Variants in CYP3A43 observed in about 807,000 individuals in gnomAD.
CYP3A43 encodes cytochrome P450 3A43.
In CYP3A43, 45 loss-of-function variants were observed where a neutral mutation model predicts 58.0. That is an observed-to-expected ratio of 0.78 (90% CI 0.61 to 0.99). The LOEUF (loss-of-function observed/expected upper bound fraction) is 0.99. Ranked by LOEUF, CYP3A43 falls within the 50% of genes least tolerant of loss-of-function variation. CYP3A43 has a pLI of 0.00. For synonymous variants in CYP3A43, 191 were observed against 201.4 expected (o/e 0.95, Z 0.44); for missense variants, 593 against 591.9 (o/e 1.00, Z -0.02).
chr7:99,828,295 G>A, intron 1 of CYP3A43, 109 bp downstream of exon 1: 1 of 785,784 alleles, frequency 1.3e-6, no homozygotes, highest in Non-Finnish European at 2.0e-6. Context: ...CGGAGGGGAA[G>A]TTACCTAAGT....
intron 7 of CYP3A43, among the ~76,000 whole-genome samples, chr7:99,854,515 T>C (rs1817898322): frequency 1.3e-5 from 2 of 152,194 alleles, no homozygotes; most frequent in South Asian, 4.1e-4. Flanking sequence ...GATGATATTT[T>C]CAAGGAACCA....
intron 7 of CYP3A43, among the ~76,000 whole-genome samples, chr7:99,851,600 A>G (rs1292413731): frequency 6.6e-6 from 1 of 152,232 alleles, no homozygotes; most frequent in Non-Finnish European, 1.5e-5. Context: ...ATGTCTGTTC[A>G]AGTCTTTTGC....
At chr7:99,865,591 A>C (rs1225621772) in intron 12 of CYP3A43, among the ~76,000 whole-genome samples, 1 of 148,700 alleles carries the variant, frequency 6.7e-6, no homozygotes, top group African/African-American at 2.6e-5. Context: ...AATAATCTGG[A>C]TTTGATTTTT....
intron 7 of CYP3A43, 92 bp from the exon 8 acceptor site, chr7:99,855,499 T>C: frequency 6.9e-7 from 1 of 1,439,426 alleles, no homozygotes; most frequent in Non-Finnish European, 9.3e-7. Context: ...AACCCTGAAG[T>C]CTATAGGTAG....
chr7:99,860,959 C>T (rs1337147331), intron 10 of CYP3A43, among the ~76,000 whole-genome samples: 3 of 152,006 alleles, frequency 2.0e-5, no homozygotes, highest in African/African-American at 2.4e-5. Context: ...CTGCTACCTC[C>T]GCCTCCAGGG....
intron 7 of CYP3A43, 90 bp from the exon 8 acceptor site, chr7:99,855,501 T>C (rs925265537): frequency 6.2e-6 from 9 of 1,454,434 alleles, no homozygotes; most frequent in East Asian, 2.5e-5. Flanking sequence ...CCCTGAAGTC[T>C]ATAGGTAGAG....
chr7:99,847,473 T>C lies in CYP3A43; in HGVS notation c.319-15T>C. 1 of 1,611,112 alleles carries C rather than the reference T, an allele frequency of 6.2e-7. No homozygotes were observed. The highest frequency in any genetic ancestry group is 8.5e-7 in the Non-Finnish European group (1 of 1,178,256). ...AAACTTACGTAGGACAAACTGCTTC[T>C]GCTTTGAACTCAAGCCTTTAGGTCC... On this transcript the variant is annotated splice_polypyrimidine_tract_variant and intron_variant, in intron 4 of 12. Transcript: ENST00000354829.
At chr7:99,863,795 G>A in intron 12 of CYP3A43, 96 bp downstream of exon 12, 1 of 1,054,928 alleles carries the variant, frequency 9.5e-7, no homozygotes, top group Middle Eastern at 3.1e-4. Context: ...TCAATAATTT[G>A]CTCTGTAGGA....
chr7:99,845,806 C>CG (rs1464310434), intron 4 of CYP3A43, among the ~76,000 whole-genome samples: 1 of 150,634 alleles, frequency 6.6e-6, no homozygotes, highest in African/African-American at 2.4e-5. Flanking sequence ...AAGACGGTCT[C>CG]GCTCTGTAGC....
chr7:99,855,576 T>G lies in CYP3A43; in HGVS notation c.671-15T>G, dbSNP rs539780444. 1.3e-6 allele frequency: 2 copies of G among 1,577,708 alleles called. No individual in the cohort carries two copies. The highest frequency in any genetic ancestry group is 1.7e-6 in the Non-Finnish European group (2 of 1,166,428). The stretch of plus-strand genomic sequence containing the variant: ...TATGATTTATTTTTTCTTTTTCTAT[T>G]TAATTTTCCTATAGCACTCTTTCCA... On this transcript the variant is annotated splice_polypyrimidine_tract_variant and intron_variant, in intron 7 of 12. Coordinates refer to ENST00000354829, the MANE Select transcript of CYP3A43 (RefSeq NM_057095.3).
intron 7 of CYP3A43, among the ~76,000 whole-genome samples, chr7:99,851,956 G>A (rs1286402565): frequency 6.6e-6 from 1 of 152,060 alleles, no homozygotes; most frequent in Non-Finnish European, 1.5e-5. Context: ...TTAGGTCTTC[G>A]ATGCATCTTG....
intron 7 of CYP3A43, among the ~76,000 whole-genome samples, chr7:99,850,519 C>G (rs977642016): frequency 7.9e-5 from 12 of 152,076 alleles, no homozygotes; most frequent in African/African-American, 2.9e-4. Context: ...CTCAGCCTCC[C>G]AAAGTGAGCC....
intron 2 of CYP3A43, among the ~76,000 whole-genome samples, chr7:99,837,190 G>A (rs1218405815): frequency 6.7e-6 from 1 of 150,264 alleles, no homozygotes; most frequent in Non-Finnish European, 1.5e-5. Context: ...GCAGTGGCGG[G>A]CGCCTGTAGT....
chr7:99,833,268 T>C (rs1816920987), intron 1 of CYP3A43, among the ~76,000 whole-genome samples: 1 of 152,116 alleles, frequency 6.6e-6, no homozygotes, highest in Non-Finnish European at 1.5e-5. Flanking sequence ...CGGATTAACA[T>C]CCAGAGGACT....
chr7:99,832,277 G>A (rs1816875486), intron 1 of CYP3A43, among the ~76,000 whole-genome samples: 2 of 151,770 alleles, frequency 1.3e-5, no homozygotes, highest in African/African-American at 4.8e-5. Flanking sequence ...TAGTGATATG[G>A]TTTGGCTCTG....
At chr7:99,833,266 C>T (rs183824326) in intron 1 of CYP3A43, among the ~76,000 whole-genome samples, 3 of 152,288 alleles carry the variant, frequency 2.0e-5, no homozygotes, top group Non-Finnish European at 2.9e-5. Context: ...GTCGGATTAA[C>T]ATCCAGAGGA....
chr7:99,856,911 C>T lies in CYP3A43; in HGVS notation c.865+12C>T. 6.2e-7 allele frequency: 1 copy of T among 1,612,552 alleles called. No homozygotes were observed. The highest frequency in any genetic ancestry group is 1.3e-5 in the African/African-American group (1 of 74,926). On this transcript the variant is annotated intron_variant, in intron 9 of 12. Transcript: ENST00000354829. ...AAAGTCCCATAAAGGTAACCAAGAA[C>T]TGCATCTGGGGGCTACTGATGGGGA...
intron 3 of CYP3A43, among the ~76,000 whole-genome samples, chr7:99,843,881 T>C (rs1817437981): frequency 6.6e-6 from 1 of 152,260 alleles, no homozygotes; most frequent in Admixed American, 6.5e-5. Flanking sequence ...ATGATCTCTT[T>C]GAAGAGCTCT....
chr7:99,860,731 G>C (rs1295690492), intron 10 of CYP3A43, among the ~76,000 whole-genome samples: 1 of 152,164 alleles, frequency 6.6e-6, no homozygotes, highest in Non-Finnish European at 1.5e-5. Context: ...GCTGCCCGGA[G>C]GGTTCCTATC....
Sources: allele counts gnomAD v4.1 joint callset (sites outside exome capture counted in the v4.1 genomes callset), GRCh38; gene constraint gnomAD v4.1.1; transcripts MANE v1.5; gene names NCBI Gene and HGNC (gene_info 2026-07-23, HGNC 2026-07-21).